The following IFT81 variants were observed in gnomAD, a reference collection of about 807,000 sequenced individuals.
IFT81 encodes intraflagellar transport protein 81 homolog.
IFT81 carries 72 observed loss-of-function variants against 102.6 expected under a neutral mutation model. The observed-to-expected ratio is 0.70, with a 90% CI of 0.58 to 0.85. The LOEUF (loss-of-function observed/expected upper bound fraction) is 0.85. Ranked by LOEUF, IFT81 falls within the 40% of genes least tolerant of loss-of-function variation. IFT81 has a pLI of 0.00. For missense variants in IFT81, 723 were observed against 787.3 expected (o/e 0.92, Z 0.98); for synonymous variants, 237 against 242.7 (o/e 0.98, Z 0.22).
At chr12:110,161,217 T>G (rs1484068593) in intron 10 of IFT81, among the ~76,000 whole-genome samples, 1 of 150,530 alleles carries the variant, frequency 6.6e-6, no homozygotes, top group Non-Finnish European at 1.5e-5. Context: ...CTCGGCTCAC[T>G]GCAGCCTCTG....
intron 12 of IFT81, among the ~76,000 whole-genome samples, chr12:110,186,333 A>G (rs150574567): frequency 6.6e-6 from 1 of 152,150 alleles, no homozygotes; most frequent in East Asian, 1.9e-4. Context: ...TTGGTTGTTC[A>G]GTGGTTTTAC....
At chr12:110,201,766 T>A (rs1252756745) in intron 14 of IFT81, among the ~76,000 whole-genome samples, 1 of 152,102 alleles carries the variant, frequency 6.6e-6, no homozygotes, top group African/African-American at 2.4e-5. Context: ...TTTTTAAACT[T>A]TTTTGTTAAA....
intron 11 of IFT81, among the ~76,000 whole-genome samples, chr12:110,177,343 C>T (rs1897081428): frequency 6.6e-6 from 1 of 152,146 alleles, no homozygotes; most frequent in South Asian, 2.1e-4. Flanking sequence ...AGTGCAGTGG[C>T]ACAATCTCGG....
chr12:110,184,637 G>A (rs1485663716), intron 12 of IFT81, among the ~76,000 whole-genome samples: 1 of 152,190 alleles, frequency 6.6e-6, no homozygotes, highest in Non-Finnish European at 1.5e-5. Flanking sequence ...AAGCCTTCAG[G>A]CTCTGATACA....
intron 1 of IFT81, among the ~76,000 whole-genome samples, chr12:110,126,614 T>C (rs1893858204): frequency 6.6e-6 from 1 of 152,018 alleles, no homozygotes; most frequent in South Asian, 2.1e-4. Flanking sequence ...GGAAATAAAG[T>C]TGGAAAGGGA....
At chr12:110,188,900 C>T (rs1897672384) in intron 12 of IFT81, among the ~76,000 whole-genome samples, 1 of 151,552 alleles carries the variant, frequency 6.6e-6, no homozygotes, top group African/African-American at 2.4e-5. Flanking sequence ...CTGCACTCCA[C>T]CCTGGGTGAC....
chr12:110,159,395 G>T (rs1377145172), intron 10 of IFT81, among the ~76,000 whole-genome samples: 1 of 152,144 alleles, frequency 6.6e-6, no homozygotes, highest in East Asian at 1.9e-4. Flanking sequence ...GGTAGGTGGA[G>T]GTTGCAGTGA....
chr12:110,188,055 G>A (rs1405627360), intron 12 of IFT81, among the ~76,000 whole-genome samples: 1 of 152,084 alleles, frequency 6.6e-6, no homozygotes, highest in Non-Finnish European at 1.5e-5. Context: ...CTGCTCGGCC[G>A]GGCGCGGTGG....
intron 4 of IFT81, among the ~76,000 whole-genome samples, 173 bp from the exon 5 acceptor site, chr12:110,132,374 C>T (rs911844748): frequency 6.6e-6 from 1 of 151,356 alleles, no homozygotes. Context: ...GCAGGAGAAT[C>T]GCTTGAATCT....
chr12:110,200,558 A>T (rs532121119), intron 14 of IFT81, among the ~76,000 whole-genome samples: 1 of 152,194 alleles, frequency 6.6e-6, no homozygotes, highest in African/African-American at 2.4e-5. Flanking sequence ...CTAGGACATT[A>T]CTGTACACTA....
chr12:110,211,615 T>G (rs1447876847), intron 18 of IFT81, among the ~76,000 whole-genome samples: 1 of 152,154 alleles, frequency 6.6e-6, no homozygotes, highest in Non-Finnish European at 1.5e-5. Context: ...TAAACCCCTG[T>G]AACTGAGATT....
intron 4 of IFT81, 140 bp downstream of exon 4, chr12:110,129,270 C>G: frequency 1.7e-6 from 1 of 578,788 alleles, no homozygotes; most frequent in South Asian, 2.4e-5. Context: ...AGCTAATGTT[C>G]AACTATGGCC....
chr12:110,165,562 G>T (rs1284624605), intron 11 of IFT81, among the ~76,000 whole-genome samples: 1 of 152,186 alleles, frequency 6.6e-6, no homozygotes, highest in Non-Finnish European at 1.5e-5. Context: ...AATGAGGAAA[G>T]GGGGACTCAC....
At chr12:110,140,722 A>T (rs527634214) in intron 8 of IFT81, among the ~76,000 whole-genome samples, 2 of 151,940 alleles carry the variant, frequency 1.3e-5, no homozygotes. Flanking sequence ...TTGTTTATTT[A>T]CTTATTTATT....
chr12:110,176,092 C>A (rs2137497619), intron 11 of IFT81, among the ~76,000 whole-genome samples: 1 of 152,246 alleles, frequency 6.6e-6, no homozygotes, highest in South Asian at 2.1e-4. Context: ...GCCAGGCCTG[C>A]TAGCCTATGT....
intron 10 of IFT81, among the ~76,000 whole-genome samples, chr12:110,160,928 A>G (rs1429083380): frequency 1.3e-5 from 2 of 152,108 alleles, no homozygotes; most frequent in Non-Finnish European, 2.9e-5. Flanking sequence ...TAATACTTTC[A>G]ATACAGTAAT....
At chr12:110,127,951 G>A in intron 2 of IFT81, 95 bp from the exon 3 acceptor site, 3 of 839,268 alleles carry the variant, frequency 3.6e-6, no homozygotes, top group Non-Finnish European at 5.9e-6. Flanking sequence ...CCATTGTGCT[G>A]TTAAGCTCTA....
At chr12:110,195,746 T>C (rs557210444) in intron 14 of IFT81, among the ~76,000 whole-genome samples, 1 of 152,344 alleles carries the variant, frequency 6.6e-6, no homozygotes, top group South Asian at 2.1e-4. Flanking sequence ...GAACTTGTCC[T>C]CTAGTTGAGT....
At chr12:110,141,773 A>G (rs1016802717) in intron 8 of IFT81, among the ~76,000 whole-genome samples, 4 of 152,136 alleles carry the variant, frequency 2.6e-5, no homozygotes, top group South Asian at 2.1e-4. Flanking sequence ...CCAGCTACTC[A>G]GGAGGCTGAG....
Sources: allele counts gnomAD v4.1 joint callset (sites outside exome capture counted in the v4.1 genomes callset), GRCh38; gene constraint gnomAD v4.1.1; transcripts MANE v1.5; gene names NCBI Gene and HGNC (gene_info 2026-07-23, HGNC 2026-07-21).